Variants in WIPF2 observed in about 807,000 individuals in gnomAD.
The protein encoded by WIPF2 is WAS/WASL interacting protein family member 2, also known as WAS/WASL-interacting protein family member 2.
A neutral mutation model predicts 38.8 loss-of-function variants in WIPF2; 23 were observed. The ratio of observed to expected loss-of-function variants is 0.59; its 90% CI spans 0.43 to 0.84. The LOEUF (loss-of-function observed/expected upper bound fraction) is 0.84, where lower values mean the gene tolerates loss of function less well. WIPF2 is among the 40% of genes least tolerant of loss of function. WIPF2 has a pLI of 0.00. For missense variants in WIPF2, 574 were observed against 580.5 expected (o/e 0.99, Z 0.11); for synonymous variants, 210 against 223.2 (o/e 0.94, Z 0.53).
At chr17:40,235,348 CTG>C (rs1310900742) in intron 1 of WIPF2, among the ~76,000 whole-genome samples, 1 of 152,204 alleles carries the variant, frequency 6.6e-6, no homozygotes, top group Non-Finnish European at 1.5e-5. Flanking sequence ...AGTATAATGA[CTG>C]TATCATTCGA....
rs140635013 is a variant in WIPF2 at position 40,251,910 on chromosome 17, C to G, written c.-69-4481C>G. Among the ~76,000 whole-genome samples the G allele has an allele frequency of 1.2e-4, 18 of 152,322 alleles. No individual in the cohort carries two copies. In the East Asian group the frequency reaches 3.5e-3, roughly 29 times the overall value. ...TGAGAGCCACTGTTGGTAGTCAACA[C>G]TAAAGTCAGTCACTTGATATAGATG... On this transcript the variant is annotated intron_variant, in intron 1 of 7. Coordinates refer to ENST00000323571, the MANE Select transcript of WIPF2 (RefSeq NM_133264.5).
At chr17:40,238,199 G>A (rs1004948402) in intron 1 of WIPF2, among the ~76,000 whole-genome samples, 2 of 152,012 alleles carry the variant, frequency 1.3e-5, no homozygotes, top group African/African-American at 2.4e-5. Context: ...TGTATTTTTG[G>A]ACATTGTCAG....
intron 1 of WIPF2, among the ~76,000 whole-genome samples, chr17:40,236,314 A>G (rs1598471900): frequency 6.6e-6 from 1 of 151,688 alleles, no homozygotes; most frequent in Admixed American, 6.6e-5. Flanking sequence ...TTTGGAAATT[A>G]TAAGCCCTTG....
At chr17:40,276,541 AAAG>A (rs1473676427) in intron 6 of WIPF2, among the ~76,000 whole-genome samples, 1 of 151,432 alleles carries the variant, frequency 6.6e-6, no homozygotes, top group African/African-American at 2.4e-5. Flanking sequence ...AAAAAAAAAA[AAAG>A]AATTATATTT....
At chr17:40,220,597 A>ATATG (rs2030164270) in intron 1 of WIPF2, 6 of 79,506 alleles carry the variant, frequency 7.5e-5, no homozygotes, top group Non-Finnish European at 1.2e-4. Flanking sequence ...ATATATATAT[A>ATATG]TATATATATA....
intron 2 of WIPF2, among the ~76,000 whole-genome samples, chr17:40,259,018 CAAAA>C (rs903377557): frequency 3.2e-4 from 11 of 34,912 alleles, no homozygotes; most frequent in Non-Finnish European, 5.9e-4. Context: ...AACTCTGTCT[CAAAA>C]AAAAAAAAAA....
chr17:40,262,721 G>A, intron 4 of WIPF2, 80 bp downstream of exon 4: 1 of 1,136,232 alleles, frequency 8.8e-7, no homozygotes, highest in Non-Finnish European at 1.3e-6. Flanking sequence ...TCAGGTTGAG[G>A]AGTATGGTAG....
At chr17:40,248,538 C>T (rs1002362628) in intron 1 of WIPF2, among the ~76,000 whole-genome samples, 4 of 152,170 alleles carry the variant, frequency 2.6e-5, no homozygotes, top group African/African-American at 7.2e-5. Context: ...TAAGCACATT[C>T]GATCCTTCTG....
chr17:40,256,096 TA>T (rs892748332), intron 1 of WIPF2, among the ~76,000 whole-genome samples: 2,922 of 96,972 alleles, frequency 0.03, 91 homozygotes, highest in African/African-American at 0.1. Context: ...CCAGGGTCTT[TA>T]AAAAAAAAAA....
At chr17:40,236,483 G>A (rs546386702) in intron 1 of WIPF2, among the ~76,000 whole-genome samples, 6 of 150,700 alleles carry the variant, frequency 4.0e-5, no homozygotes, top group Admixed American at 2.0e-4. Context: ...AACTACAGGC[G>A]TGTGTAGAGA....
chr17:40,220,209 T>G (rs1330776153), intron 1 of WIPF2, among the ~76,000 whole-genome samples: 1 of 151,770 alleles, frequency 6.6e-6, no homozygotes, highest in East Asian at 1.9e-4. Flanking sequence ...ACTCCTGGGC[T>G]CAAGCGATCT....
intron 1 of WIPF2, among the ~76,000 whole-genome samples, chr17:40,242,552 GC>G (rs1473606141): frequency 6.6e-6 from 1 of 151,870 alleles, no homozygotes; most frequent in East Asian, 1.9e-4. Context: ...GGCGCCCGCC[GC>G]CACGCCTGGC....
At chr17:40,244,183 G>A (rs2031283299) in intron 1 of WIPF2, among the ~76,000 whole-genome samples, 1 of 152,136 alleles carries the variant, frequency 6.6e-6, no homozygotes, top group African/African-American at 2.4e-5. Flanking sequence ...CACTTTAGTG[G>A]AAACCCTCTG....
intron 4 of WIPF2, among the ~76,000 whole-genome samples, chr17:40,263,149 C>T (rs940153622): frequency 6.6e-6 from 1 of 152,140 alleles, no homozygotes; most frequent in African/African-American, 2.4e-5. Context: ...TCTATTGCAG[C>T]AGTCCCCAGT....
Position 40,283,196 on chromosome 17 carries a change from T to TAG in WIPF2, c.*4974_*4975dup. On this transcript the variant is annotated 3_prime_UTR_variant, in exon 8 of 8. Transcript: ENST00000323571. ...AAAAAAAAAAAAAAAAAAAAAATTC[T>TAG]AGAGTTCTAGTTACCCTTCCTGGGA... is the stretch of plus-strand genomic sequence containing the variant. 1 of 111,650 alleles carries TAG rather than the reference T, an allele frequency of 9.0e-6. No individual in the cohort carries two copies. Among genetic ancestry groups the TAG allele is most frequent in the Non-Finnish European group, 1.8e-5 (1 of 54,662 alleles). The allele number at this position is 111,650 out of a possible 1,614,324, so 6.9% of individuals were successfully genotyped here.
At chr17:40,252,069 C>A (rs2031576897) in intron 1 of WIPF2, among the ~76,000 whole-genome samples, 1 of 152,248 alleles carries the variant, frequency 6.6e-6, no homozygotes, top group Middle Eastern at 3.4e-3. Context: ...CAATTATAGG[C>A]AAGCGCCACT....
rs1012112697 is a variant in WIPF2 at position 40,283,811 on chromosome 17, C to T, written c.*5586C>T. 2.0e-5 allele frequency: 3 copies of T among 152,182 alleles called. No homozygotes were observed. The highest frequency in any genetic ancestry group is 4.4e-5 in the Non-Finnish European group (3 of 68,032). The allele number at this position is 152,182 out of a possible 1,614,324, so 9.4% of individuals were successfully genotyped here. A position where few individuals can be genotyped will look rare whatever the true frequency, so the allele number is the denominator to read the frequency against. On this transcript the variant is annotated 3_prime_UTR_variant, in exon 8 of 8. Transcript: ENST00000323571. ...CTTAGCTGGTTTTCTTGAACTTTGA[C>T]TTTAGGTGTAAAAATTCAACCAGAC...
At chr17:40,259,384 G>A (rs560270681) in intron 2 of WIPF2, among the ~76,000 whole-genome samples, 59 of 151,066 alleles carry the variant, frequency 3.9e-4, no homozygotes, top group African/African-American at 1.1e-3. Flanking sequence ...GCAGTGAGCC[G>A]AGATCGCACC....
intron 1 of WIPF2, among the ~76,000 whole-genome samples, chr17:40,249,953 C>T (rs937249526): frequency 6.6e-6 from 1 of 151,592 alleles, no homozygotes; most frequent in African/African-American, 2.4e-5. Context: ...CTGCCTCAGC[C>T]TCTGGAGTAG....
Sources: allele counts gnomAD v4.1 joint callset (sites outside exome capture counted in the v4.1 genomes callset), GRCh38; gene constraint gnomAD v4.1.1; transcripts MANE v1.5; gene names NCBI Gene and HGNC (gene_info 2026-07-23, HGNC 2026-07-21).